The following MLLT1 variants were observed in gnomAD, a reference collection of about 807,000 sequenced individuals.
The protein encoded by MLLT1 is protein ENL.
A neutral mutation model predicts 55.1 loss-of-function variants in MLLT1; 11 were observed. That is an observed-to-expected ratio of 0.20 (90% CI 0.13 to 0.33). The LOEUF is 0.33. MLLT1 is among the 10% of genes least tolerant of loss of function. The pLI, the probability that MLLT1 is intolerant of heterozygous loss-of-function variation, is 1.00. For missense variants in MLLT1, 536 were observed against 760.6 expected (o/e 0.70, Z 3.47); for synonymous variants, 323 against 320.1 (o/e 1.01, Z -0.10).
intron 2 of MLLT1, among the ~76,000 whole-genome samples, chr19:6,269,122 C>T (rs1266108215): frequency 6.6e-6 from 1 of 152,222 alleles, no homozygotes; most frequent in Non-Finnish European, 1.5e-5. Flanking sequence ...GCTCTGCCAA[C>T]GTGGCACAAA....
intron 3 of MLLT1, among the ~76,000 whole-genome samples, chr19:6,238,063 C>A (rs1396358137): frequency 6.6e-6 from 1 of 152,204 alleles, no homozygotes; most frequent in African/African-American, 2.4e-5. Context: ...TATGATCAGG[C>A]CACTGCATGC....
At chr19:6,215,924 G>C (rs1412556099) in intron 8 of MLLT1, among the ~76,000 whole-genome samples, 2 of 152,048 alleles carry the variant, frequency 1.3e-5, no homozygotes, top group Admixed American at 1.3e-4. Flanking sequence ...GTGCCTCCTG[G>C]GGAAAAGGCC....
chr19:6,231,435 G>A lies in MLLT1; in HGVS notation c.277-722C>T, dbSNP rs3827012. 9.3e-4 allele frequency among the ~76,000 whole-genome samples: 142 copies of A among 152,340 alleles called. 1 individual carries two copies. The East Asian group carries it at 0.016, about 17-fold the overall frequency. ...AGGGCAGGCAGGCTTGCAGGAAGGA[G>A]CTGTCTGCACGGGCTCCTGTGGAGG... is the stretch of plus-strand genomic sequence containing the variant. On this transcript the variant is annotated intron_variant, in intron 3 of 11. Coordinates refer to ENST00000252674, the MANE Select transcript of MLLT1 (RefSeq NM_005934.4). This position sits in a 1 kb window ranked among gnomAD's most constrained non-coding sequence, Gnocchi z 5.1.
At chr19:6,261,769 T>C (rs767649593) in intron 3 of MLLT1, among the ~76,000 whole-genome samples, 1 of 152,072 alleles carries the variant, frequency 6.6e-6, no homozygotes, top group Non-Finnish European at 1.5e-5. Context: ...CTTCAAGTAT[T>C]ATATATGTAG....
At chr19:6,215,466 C>T (rs957969883) in intron 8 of MLLT1, among the ~76,000 whole-genome samples, 8 of 152,172 alleles carry the variant, frequency 5.3e-5, no homozygotes, top group Admixed American at 2.6e-4. Context: ...CTCCCACCAG[C>T]GGCTCCCCCG....
chr19:6,267,163 A>T (rs1240251311), intron 2 of MLLT1, among the ~76,000 whole-genome samples: 1 of 151,964 alleles, frequency 6.6e-6, no homozygotes, highest in Admixed American at 6.6e-5. Flanking sequence ...GTGCACTGGC[A>T]TGATCTCGGC....
chr19:6,264,511 G>C (rs2144946370), intron 2 of MLLT1, among the ~76,000 whole-genome samples: 1 of 152,078 alleles, frequency 6.6e-6, no homozygotes, highest in East Asian at 1.9e-4. Context: ...AGACCACAGA[G>C]AGTTTGACAA....
In MLLT1 at chr19:6,229,754, A is replaced by G. The variant is rs1302888229; in HGVS notation, c.420+816T>C. On this transcript the variant is annotated intron_variant, in intron 4 of 11. Transcript: ENST00000252674. The surrounding 1 kb of genome is among the most constrained non-coding windows in gnomAD (Gnocchi z 5.2). The stretch of plus-strand genomic sequence containing the variant: ...ACATGCCACACACTGTACATGCCAC[A>G]CCCCACACATACACACGACACACAC... Among the ~76,000 whole-genome samples, 4 of 150,556 alleles carry G rather than the reference A, an allele frequency of 2.7e-5. No homozygotes were observed. The East Asian group carries it at 7.8e-4, about 29-fold the overall frequency.
chr19:6,263,965 G>A (rs548867945), intron 2 of MLLT1, among the ~76,000 whole-genome samples: 2 of 152,044 alleles, frequency 1.3e-5, no homozygotes, highest in Non-Finnish European at 2.9e-5. Context: ...GCAGGGGAGC[G>A]ACTGCCACTG....
chr19:6,272,586 C>T (rs1414669905), intron 1 of MLLT1, among the ~76,000 whole-genome samples: 4 of 152,256 alleles, frequency 2.6e-5, no homozygotes, highest in Non-Finnish European at 5.9e-5. Flanking sequence ...TCCCATCCCC[C>T]GCTCCTGGGT....
At chr19:6,279,576 G>C (rs1424817038) in intron 1 of MLLT1, among the ~76,000 whole-genome samples, 197 bp downstream of exon 1, 3 of 151,572 alleles carry the variant, frequency 2.0e-5, no homozygotes, top group Non-Finnish European at 3.0e-5. Flanking sequence ...CCCGAAGGGT[G>C]TCCGAGGCGC....
Position 6,268,432 on chromosome 19 carries a change from G to C in MLLT1, c.193+2147C>G, listed in dbSNP as rs138148253. On this transcript the variant is annotated intron_variant, in intron 2 of 11. Transcript: ENST00000252674. ...GAGCTGGTATTAAGAGGAGTCCAGA[G>C]AGGGCTAGGAAGACAGCCCCGGGGA... Among the ~76,000 whole-genome samples the C allele has an allele frequency of 8.8e-3, 1,347 of 152,350 alleles. 12 individuals carry two copies. Among genetic ancestry groups the C allele is most frequent in the Non-Finnish European group, 0.013 (887 of 68,032 alleles).
At chr19:6,268,622 A>G (rs1235292432) in intron 2 of MLLT1, among the ~76,000 whole-genome samples, 1 of 152,178 alleles carries the variant, frequency 6.6e-6, no homozygotes, top group Admixed American at 6.5e-5. Context: ...CCCTCTCTAA[A>G]GTTTTATTCA....
intron 3 of MLLT1, among the ~76,000 whole-genome samples, chr19:6,258,830 G>A (rs10412164): frequency 0.022 from 3,398 of 152,254 alleles, 142 homozygotes; most frequent in African/African-American, 0.078. Flanking sequence ...CCTCCTTTGG[G>A]CCCTCTGAGG....
intron 3 of MLLT1, among the ~76,000 whole-genome samples, chr19:6,246,199 T>C (rs1422933372): frequency 6.6e-6 from 1 of 150,966 alleles, no homozygotes; most frequent in African/African-American, 2.4e-5. Flanking sequence ...GGCTGCAAAA[T>C]GGCACAGCCC....
chr19:6,224,860 G>C (rs961582335), intron 5 of MLLT1, among the ~76,000 whole-genome samples: 1 of 152,188 alleles, frequency 6.6e-6, no homozygotes, highest in African/African-American at 2.4e-5. Context: ...CTCCCGAGTA[G>C]CTGGGATTAC....
rs1282254962 is a variant in MLLT1 at position 6,273,277 on chromosome 19, A to G, written c.13-2518T>C. Among the ~76,000 whole-genome samples the G allele has an allele frequency of 1.3e-5, 2 of 152,148 alleles. No homozygotes were observed. The highest frequency in any genetic ancestry group is 2.9e-5 in the Non-Finnish European group (2 of 68,016). On this transcript the variant is annotated intron_variant, in intron 1 of 11. Transcript: ENST00000252674. This position sits in a 1 kb window ranked among gnomAD's most constrained non-coding sequence, Gnocchi z 4.3. ...AGGCAACCAGAAGGAGTGGCTGGAAAAAGGGGTGAACACAGCCCAAAGCCA... is the reference window on the plus strand; with the variant it reads ...AGGCAACCAGAAGGAGTGGCTGGAAGAAGGGGTGAACACAGCCCAAAGCCA...
In MLLT1 at chr19:6,226,832, G is replaced by T; in HGVS notation, c.546+145C>A. On this transcript the variant is annotated intron_variant, in intron 5 of 11. Transcript: ENST00000252674. The surrounding 1 kb of genome is among the most constrained non-coding windows in gnomAD (Gnocchi z 6.3). ...AGGGAAGCGGCAGTGCGCAGCGAGG[G>T]GTGTGCAGAGAGCTCAAAGAGGAAG... is the stretch of plus-strand genomic sequence containing the variant. 1 of 522,842 alleles carries T rather than the reference G, an allele frequency of 1.9e-6. No homozygotes were observed. The highest frequency in any genetic ancestry group is 3.3e-6 in the Non-Finnish European group (1 of 305,418). 32.4% of individuals were successfully genotyped at this position (522,842 alleles called of 1,614,324 possible).
At position 6,231,005 on chromosome 19, in the gene MLLT1, C is replaced by A. The variant is rs553175836; in HGVS notation, c.277-292G>T. Among the ~76,000 whole-genome samples, 1 of 152,230 alleles carries A rather than the reference C, an allele frequency of 6.6e-6. No homozygotes were observed. The highest frequency in any genetic ancestry group is 1.5e-5 in the Non-Finnish European group (1 of 68,042). ...CATGTACCCCCTTCAACCCTCACAG[C>A]GCCACTGACAGACAGGGAAACCGAC... On this transcript the variant is annotated intron_variant, in intron 3 of 11. Coordinates refer to ENST00000252674, the MANE Select transcript of MLLT1 (RefSeq NM_005934.4). The surrounding 1 kb of genome is among the most constrained non-coding windows in gnomAD (Gnocchi z 5.1).
Sources: gnomAD v4.1 joint callset for allele counts (sites outside exome capture counted in the v4.1 genomes callset) on GRCh38, gnomAD v4.1.1 for gene constraint, Gnocchi (gnomAD v3.1) non-coding constraint, MANE v1.5 for transcripts, NCBI Gene and HGNC (gene_info 2026-07-23, HGNC 2026-07-21) for gene names.